The following RORA variants were observed in gnomAD, a reference collection of about 807,000 sequenced individuals.
RORA encodes the protein nuclear receptor ROR-alpha.
RORA carries 7 observed loss-of-function variants against 69.5 expected under a neutral mutation model. That is an observed-to-expected ratio of 0.10 (90% CI 0.06 to 0.19). The LOEUF (loss-of-function observed/expected upper bound fraction) is 0.19, where lower values mean the gene tolerates loss of function less well. Ranked by LOEUF, RORA falls within the 10% of genes least tolerant of loss-of-function variation. The pLI is 1.00. For synonymous variants in RORA, 261 were observed against 240.8 expected (o/e 1.08, Z -0.78); for missense variants, 457 against 663.0 (o/e 0.69, Z 3.41).
chr15:60,772,209 G>A (rs2072086689), intron 1 of RORA, among the ~76,000 whole-genome samples: 1 of 151,634 alleles, frequency 6.6e-6, no homozygotes, highest in South Asian at 2.1e-4. Flanking sequence ...CCTCCCCCAG[G>A]CCCCCACCCC....
chr15:61,137,559 A>G (rs1339925303), intron 1 of RORA, among the ~76,000 whole-genome samples: 1 of 4,894 alleles, frequency 2.0e-4, no homozygotes, highest in Admixed American at 5.2e-3. Flanking sequence ...ATCAGCTTGC[A>G]GCAGCAGTCA....
At chr15:60,686,340 C>T (rs2070748114) in intron 1 of RORA, among the ~76,000 whole-genome samples, 1 of 152,306 alleles carries the variant, frequency 6.6e-6, no homozygotes, top group Non-Finnish European at 1.5e-5. Context: ...CAATGCACTA[C>T]GAAAAGTCCA....
intron 1 of RORA, among the ~76,000 whole-genome samples, chr15:60,953,938 C>T (rs1893185195): frequency 6.6e-6 from 1 of 151,436 alleles, no homozygotes; most frequent in African/African-American, 2.4e-5. Flanking sequence ...CATCCCATTA[C>T]TGGGTATATA....
chr15:60,859,324 C>T (rs1188910490), intron 1 of RORA, among the ~76,000 whole-genome samples: 1 of 152,084 alleles, frequency 6.6e-6, no homozygotes, highest in Non-Finnish European at 1.5e-5. Context: ...TGGCGCTTTG[C>T]ACCTGGGGCC....
intron 1 of RORA, among the ~76,000 whole-genome samples, chr15:60,947,026 G>GC (rs1241789021): frequency 1.6e-5 from 2 of 122,376 alleles, no homozygotes; most frequent in South Asian, 5.4e-4. Context: ...TGGGGGGCCA[G>GC]CCCCCGCCCG....
intron 1 of RORA, among the ~76,000 whole-genome samples, chr15:60,737,666 C>A (rs1243706785): frequency 1.3e-5 from 2 of 152,166 alleles, no homozygotes; most frequent in Admixed American, 6.5e-5. Context: ...TTTAGAATTA[C>A]CTGTTTGTTT....
At chr15:60,858,445 A>G (rs2073403229) in intron 1 of RORA, among the ~76,000 whole-genome samples, 1 of 152,188 alleles carries the variant, frequency 6.6e-6, no homozygotes, top group Admixed American at 6.5e-5. Flanking sequence ...CAGGCAACTG[A>G]TGGACTGCAA....
chr15:60,540,078 T>G (rs1026691104), intron 2 of RORA, among the ~76,000 whole-genome samples: 1 of 152,200 alleles, frequency 6.6e-6, no homozygotes, highest in African/African-American at 2.4e-5. Flanking sequence ...CCTAATAACG[T>G]TGTTTCCAAC....
At chr15:60,497,683 A>C in intron 10 of RORA, 64 bp from the exon 11 acceptor site, 1 of 1,288,114 alleles carries the variant, frequency 7.8e-7, no homozygotes, top group Non-Finnish European at 1.1e-6. Context: ...AGATCAGGGA[A>C]CCTGAATGAT....
chr15:60,888,376 C>A (rs2073775161), intron 1 of RORA, among the ~76,000 whole-genome samples: 1 of 152,210 alleles, frequency 6.6e-6, no homozygotes, highest in East Asian at 1.9e-4. Context: ...CTACCACGTT[C>A]TTTCAGTGTG....
intron 2 of RORA, among the ~76,000 whole-genome samples, chr15:60,618,314 T>G (rs1322231343): frequency 6.6e-6 from 1 of 152,192 alleles, no homozygotes; most frequent in African/African-American, 2.4e-5. Context: ...TCTGCTACAT[T>G]GCTCTCTGCT....
chr15:60,552,479 A>G (rs563610162), intron 2 of RORA, among the ~76,000 whole-genome samples: 97 of 152,316 alleles, frequency 6.4e-4, no homozygotes, highest in African/African-American at 2.2e-3. Flanking sequence ...AGATGTATAG[A>G]GCAGGAACCT....
At chr15:60,621,814 G>A (rs1472406174) in intron 2 of RORA, among the ~76,000 whole-genome samples, 10 of 152,144 alleles carry the variant, frequency 6.6e-5, no homozygotes, top group South Asian at 4.2e-4. Context: ...TTGGGAGGGC[G>A]AGGCAAGCAG....
chr15:60,628,451 A>C (rs2069651155), intron 2 of RORA, among the ~76,000 whole-genome samples: 1 of 152,124 alleles, frequency 6.6e-6, no homozygotes, highest in South Asian at 2.1e-4. Context: ...CTGCTGCCTC[A>C]AACTCCTGGG....
chr15:60,921,686 G>C (rs1478049690), intron 1 of RORA, among the ~76,000 whole-genome samples: 3 of 152,072 alleles, frequency 2.0e-5, no homozygotes, highest in Non-Finnish European at 2.9e-5. Flanking sequence ...TACAATTAAA[G>C]AAAAAACAGG....
At chr15:60,533,996 G>GC (rs1480874184) in intron 2 of RORA, among the ~76,000 whole-genome samples, 1 of 152,238 alleles carries the variant, frequency 6.6e-6, no homozygotes, top group African/African-American at 2.4e-5. Context: ...GGGAGATCAA[G>GC]CATGTCTATT....
chr15:61,009,956 A>G (rs1287533925), intron 1 of RORA, among the ~76,000 whole-genome samples: 2 of 152,228 alleles, frequency 1.3e-5, no homozygotes, highest in Admixed American at 6.5e-5. Context: ...TTCTCTGAAC[A>G]TGAAAATGAA....
At chr15:60,968,491 C>T (rs1342993501) in intron 1 of RORA, among the ~76,000 whole-genome samples, 1 of 152,134 alleles carries the variant, frequency 6.6e-6, no homozygotes, top group Non-Finnish European at 1.5e-5. Flanking sequence ...ATAGGGCCAA[C>T]CCAGGCTCAC....
intron 1 of RORA, among the ~76,000 whole-genome samples, chr15:61,122,314 A>T (rs1289976570): frequency 1.3e-5 from 2 of 152,210 alleles, no homozygotes; most frequent in African/African-American, 2.4e-5. Flanking sequence ...GAACTAAGGG[A>T]AGCATTTGAA....
Sources: allele counts gnomAD v4.1 joint callset (sites outside exome capture counted in the v4.1 genomes callset), GRCh38; gene constraint gnomAD v4.1.1; transcripts MANE v1.5; gene names NCBI Gene and HGNC (gene_info 2026-07-23, HGNC 2026-07-21).